Variants in NEGR1 observed in about 807,000 individuals in gnomAD.
NEGR1 encodes neuronal growth regulator 1.
Under a neutral mutation model 40.9 loss-of-function variants are expected in NEGR1, and 10 were observed. The observed-to-expected ratio is 0.24, with a 90% confidence interval of 0.15 to 0.42. The LOEUF (loss-of-function observed/expected upper bound fraction) is 0.42. Among genes scored for constraint, NEGR1 ranks in the 10% least tolerant of loss-of-function variants. The probability of loss-of-function intolerance (pLI) is 1.00; values close to 1 mark genes in which losing one functional copy is unlikely to be tolerated. For missense variants in NEGR1, 352 were observed against 438.9 expected (o/e 0.80, Z 1.77); for synonymous variants, 185 against 166.8 (o/e 1.11, Z -0.84).
chr1:72,198,491 T>TG (rs1213640453), intron 1 of NEGR1, among the ~76,000 whole-genome samples: 2 of 151,666 alleles, frequency 1.3e-5, no homozygotes, highest in African/African-American at 4.9e-5. Context: ...AGGTAATGTG[T>TG]GGAAAAAAAA....
At chr1:71,974,493 A>G (rs2100325275) in intron 1 of NEGR1, among the ~76,000 whole-genome samples, 1 of 152,268 alleles carries the variant, frequency 6.6e-6, no homozygotes, top group African/African-American at 2.4e-5. Context: ...AAATAAAAAT[A>G]TTCTACAAAT....
Position 72,085,844 on chromosome 1 carries a change from C to A in NEGR1, c.177-150533G>T, listed in dbSNP as rs550376239. Among the ~76,000 whole-genome samples, 13 of 151,604 alleles carry A rather than the reference C, an allele frequency of 8.6e-5. No homozygotes were observed. The East Asian group carries it at 2.5e-3, about 30-fold the overall frequency. On this transcript the variant is annotated intron_variant, in intron 1 of 6. Coordinates refer to ENST00000357731, the MANE Select transcript of NEGR1 (RefSeq NM_173808.3). The stretch of plus-strand genomic sequence containing the variant: ...AATTAGCTGGGAGTGGTGGTGTGCA[C>A]CTGTAGACCCAGCTACTCGGGAGGC...
chr1:72,168,305 G>C (rs1051272290), intron 1 of NEGR1, among the ~76,000 whole-genome samples: 3 of 151,976 alleles, frequency 2.0e-5, no homozygotes, highest in African/African-American at 7.2e-5. Context: ...AACCTGGCCA[G>C]GTGTTTATAT....
At chr1:72,202,843 C>G (rs1557576538) in intron 1 of NEGR1, among the ~76,000 whole-genome samples, 3 of 152,064 alleles carry the variant, frequency 2.0e-5, no homozygotes, top group South Asian at 4.1e-4. Flanking sequence ...AATTTTAGAG[C>G]CTTTAAGAAT....
At chr1:72,192,620 G>C (rs1285466616) in intron 1 of NEGR1, among the ~76,000 whole-genome samples, 1 of 151,788 alleles carries the variant, frequency 6.6e-6, no homozygotes, top group Non-Finnish European at 1.5e-5. Context: ...CAATGATTCA[G>C]TAAGAATAAT....
chr1:71,831,351 T>A (rs2101790570), intron 2 of NEGR1, among the ~76,000 whole-genome samples: 1 of 152,016 alleles, frequency 6.6e-6, no homozygotes, highest in African/African-American at 2.4e-5. Flanking sequence ...GGTGTTAGAT[T>A]GTTTGAGTGG....
chr1:71,942,455 C>CTCTATATATATATATATATA (rs1553123457), intron 1 of NEGR1, among the ~76,000 whole-genome samples: 1 of 21,298 alleles, frequency 4.7e-5, no homozygotes, highest in Non-Finnish European at 8.1e-5. Flanking sequence ...TTCTTTAAAT[C>CTCTATATATATATATATATA]TATATATATA....
In NEGR1 at chr1:71,741,092, A is replaced by G. The variant is rs184416924; in HGVS notation, c.535+35080T>C. ...TTCATGGCGTCTTAGGCATTCAATC[A>G]TTTGATTTCATTTTATACCAAATCT... On this transcript the variant is annotated intron_variant, in intron 3 of 6. Transcript: ENST00000357731. Among the ~76,000 whole-genome samples, 284 of 152,228 alleles carry G rather than the reference A, an allele frequency of 1.9e-3. 1 individual carries two copies. The highest frequency in any genetic ancestry group is 6.6e-3 in the African/African-American group (273 of 41,536).
chr1:71,512,652 G>A (rs964666904), intron 6 of NEGR1, among the ~76,000 whole-genome samples: 3 of 150,230 alleles, frequency 2.0e-5, no homozygotes, highest in Non-Finnish European at 3.0e-5. Flanking sequence ...CTGAGATCTC[G>A]GCTCACTACA....
At chr1:72,245,379 G>A (rs1312123032) in intron 1 of NEGR1, among the ~76,000 whole-genome samples, 1 of 152,014 alleles carries the variant, frequency 6.6e-6, no homozygotes, top group Non-Finnish European at 1.5e-5. Context: ...TATTTCTATT[G>A]AAGTAGTCTA....
At chr1:71,565,478 T>C (rs949824759) in intron 6 of NEGR1, among the ~76,000 whole-genome samples, 1 of 152,164 alleles carries the variant, frequency 6.6e-6, no homozygotes, top group African/African-American at 2.4e-5. Flanking sequence ...TAAGTGTTTC[T>C]CCCTGTGATT....
intron 1 of NEGR1, among the ~76,000 whole-genome samples, chr1:72,113,697 C>G (rs1267949316): frequency 2.6e-5 from 4 of 151,614 alleles, no homozygotes; most frequent in Non-Finnish European, 4.4e-5. Context: ...ATTACTCTTT[C>G]TAAGCAGATT....
chr1:71,549,755 GC>G (rs1648016026), intron 6 of NEGR1, among the ~76,000 whole-genome samples: 1 of 151,552 alleles, frequency 6.6e-6, no homozygotes, highest in Non-Finnish European at 1.5e-5. Flanking sequence ...TATCTACTTT[GC>G]CAGAATAACA....
At chr1:72,095,651 A>AT (rs150630088) in intron 1 of NEGR1, among the ~76,000 whole-genome samples, 3,071 of 152,074 alleles carry the variant, frequency 0.02, 114 homozygotes, top group African/African-American at 0.071. Flanking sequence ...ACATATATAT[A>AT]TTTTTTTAAA....
At chr1:71,545,844 A>G (rs1647878181) in intron 6 of NEGR1, among the ~76,000 whole-genome samples, 2 of 151,730 alleles carry the variant, frequency 1.3e-5, no homozygotes, top group Middle Eastern at 3.4e-3. Context: ...TCCCATGCAT[A>G]TATTTCTATA....
chr1:71,940,103 T>C (rs1645945468), intron 1 of NEGR1, among the ~76,000 whole-genome samples: 1 of 152,110 alleles, frequency 6.6e-6, no homozygotes. Flanking sequence ...GGTCAGATCA[T>C]TAATGGGACA....
At chr1:71,774,778 C>G (rs902790250) in intron 3 of NEGR1, among the ~76,000 whole-genome samples, 5 of 152,082 alleles carry the variant, frequency 3.3e-5, no homozygotes, top group Admixed American at 6.6e-5. Flanking sequence ...TCCCAGGGTG[C>G]ACCCAAAGCT....
At chr1:71,451,470 A>G (rs1400882486) in intron 6 of NEGR1, among the ~76,000 whole-genome samples, 1 of 151,388 alleles carries the variant, frequency 6.6e-6, no homozygotes. Flanking sequence ...AGTAGCTGGG[A>G]TTACAGGTGC....
At chr1:71,618,199 G>T (rs1212695751) in intron 4 of NEGR1, among the ~76,000 whole-genome samples, 1 of 152,162 alleles carries the variant, frequency 6.6e-6, no homozygotes, top group Admixed American at 6.6e-5. Flanking sequence ...GCTTTCGAAA[G>T]ACTTTGAGCA....
Sources: gnomAD v4.1 joint callset for allele counts (sites outside exome capture counted in the v4.1 genomes callset) on GRCh38, gnomAD v4.1.1 for gene constraint, MANE v1.5 for transcripts, NCBI Gene and HGNC (gene_info 2026-07-23, HGNC 2026-07-21) for gene names.